The following AKT3 variants were observed in gnomAD, a reference collection of about 807,000 sequenced individuals.
The protein encoded by AKT3 is RAC-gamma serine/threonine-protein kinase.
A neutral mutation model predicts 65.3 loss-of-function variants in AKT3; 15 were observed. The ratio of observed to expected loss-of-function variants is 0.23; its 90% CI spans 0.15 to 0.35. The LOEUF (loss-of-function observed/expected upper bound fraction) is 0.35. AKT3 is among the 10% of genes least tolerant of loss of function. AKT3 has a pLI of 1.00. For synonymous variants in AKT3, 206 were observed against 183.8 expected, an observed-to-expected ratio of 1.12 and a Z score of -0.98; for missense variants, 243 against 576.5, an observed-to-expected ratio of 0.42 and a Z score of 5.92.
chr1:243,763,649 T>C (rs1689635782), intron 2 of AKT3, among the ~76,000 whole-genome samples: 1 of 152,030 alleles, frequency 6.6e-6, no homozygotes. Context: ...TAGAACAATG[T>C]CAAAAAAGTT....
intron 12 of AKT3, among the ~76,000 whole-genome samples, chr1:243,544,374 G>A (rs764927758): frequency 1.3e-5 from 2 of 152,010 alleles, no homozygotes; most frequent in Admixed American, 6.6e-5. Context: ...CTGTAATCCA[G>A]CACTTTGGGA....
At chr1:243,519,866 G>A (rs1440102064) in intron 12 of AKT3, among the ~76,000 whole-genome samples, 5 of 152,196 alleles carry the variant, frequency 3.3e-5, no homozygotes, top group Admixed American at 6.5e-5. Context: ...TTACCAGGAT[G>A]TTCAGCTCTT....
chr1:243,573,433 T>C (rs979721633), intron 8 of AKT3, among the ~76,000 whole-genome samples: 4 of 152,166 alleles, frequency 2.6e-5, no homozygotes, highest in Non-Finnish European at 5.9e-5. Flanking sequence ...AGATATATTT[T>C]CACTTAATTA....
intron 2 of AKT3, among the ~76,000 whole-genome samples, chr1:243,795,449 G>GTGT (rs1691898690): frequency 1.1e-5 from 1 of 93,506 alleles, no homozygotes; most frequent in African/African-American, 4.9e-5. Flanking sequence ...TGATCTCCTT[G>GTGT]TTTTTTTTTT....
rs1467900495 is a variant in AKT3 at position 243,836,144 on chromosome 1, GAGAGAA to G, written c.46+6975_46+6980del. Among the ~76,000 whole-genome samples, 7 of 151,906 alleles carry G rather than the reference GAGAGAA, an allele frequency of 4.6e-5. No homozygotes were observed. In the South Asian group the frequency reaches 1.5e-3, roughly 32 times the overall value. ...CACGACCCAAACATATGCTGTCAAC[GAGAGAA>G]ACAGTTTAAATACAAAACAAAGACT... On this transcript the variant is annotated intron_variant, in intron 2 of 13. Coordinates refer to ENST00000673466, the MANE Select transcript of AKT3 (RefSeq NM_005465.7).
intron 2 of AKT3, among the ~76,000 whole-genome samples, chr1:243,765,375 GA>G (rs1048529190): frequency 6.6e-6 from 1 of 151,960 alleles, no homozygotes; most frequent in African/African-American, 2.4e-5. Context: ...GTTTGATTTT[GA>G]ACCGCAAACC....
At chr1:243,681,600 A>G (rs1456323781) in intron 3 of AKT3, among the ~76,000 whole-genome samples, 1 of 152,216 alleles carries the variant, frequency 6.6e-6, no homozygotes, top group Non-Finnish European at 1.5e-5. Flanking sequence ...CAACAATGAG[A>G]GTCCACTATT....
At chr1:243,593,484 C>A (rs768800005) in intron 8 of AKT3, among the ~76,000 whole-genome samples, 1 of 152,078 alleles carries the variant, frequency 6.6e-6, no homozygotes, top group Non-Finnish European at 1.5e-5. Flanking sequence ...GGTAAGAGTT[C>A]GAGAGCAATC....
Position 243,588,529 on chromosome 1 carries a change from C to T in AKT3, c.697-15481G>A, listed in dbSNP as rs535772970. ...GAAGAAAACAAAATCCAGTAACTCA[C>T]GTAAAACTCAAATTATCTAATCAAT... is the stretch of plus-strand genomic sequence containing the variant. On this transcript the variant is annotated intron_variant, in intron 8 of 13. Transcript: ENST00000673466. Among the ~76,000 whole-genome samples the T allele has an allele frequency of 3.5e-4, 53 of 152,206 alleles. 1 individual carries two copies. Among genetic ancestry groups the T allele is most frequent in the African/African-American group, 1.2e-3 (49 of 41,548 alleles).
chr1:243,804,423 C>A (rs1337266646), intron 2 of AKT3, among the ~76,000 whole-genome samples: 1 of 152,158 alleles, frequency 6.6e-6, no homozygotes, highest in East Asian at 1.9e-4. Flanking sequence ...TTACCACATA[C>A]AACATGATAT....
chr1:243,562,349 G>A (rs932108071), intron 10 of AKT3, among the ~76,000 whole-genome samples: 4 of 152,092 alleles, frequency 2.6e-5, no homozygotes, highest in Admixed American at 1.3e-4. Context: ...ACGGGTATGG[G>A]GTTTCTTGCT....
At chr1:243,833,337 C>T (rs111967135) in intron 2 of AKT3, among the ~76,000 whole-genome samples, 4,355 of 152,144 alleles carry the variant, frequency 0.029, 119 homozygotes, top group African/African-American at 0.064. Flanking sequence ...TTCAGCATGG[C>T]TAGGGAGGCT....
At chr1:243,740,783 G>T (rs946581296) in intron 2 of AKT3, 2 of 152,162 alleles carry the variant, frequency 1.3e-5, no homozygotes, top group Non-Finnish European at 1.5e-5. Context: ...CTCAAACTCA[G>T]ACCTCCACTT....
At chr1:243,829,856 G>A (rs955212709) in intron 2 of AKT3, among the ~76,000 whole-genome samples, 1 of 152,158 alleles carries the variant, frequency 6.6e-6, no homozygotes, top group Admixed American at 6.6e-5. Flanking sequence ...CTGAGAAAAA[G>A]TGGCTACAGC....
intron 2 of AKT3, among the ~76,000 whole-genome samples, chr1:243,824,408 CTG>C (rs1361940959): frequency 2.0e-5 from 3 of 152,000 alleles, no homozygotes; most frequent in Non-Finnish European, 4.4e-5. Context: ...AAATTGACGA[CTG>C]GGATCTAATT....
intron 12 of AKT3, among the ~76,000 whole-genome samples, chr1:243,534,359 A>G (rs1369004995): frequency 1.3e-5 from 2 of 152,222 alleles, no homozygotes; most frequent in Admixed American, 1.3e-4. Flanking sequence ...TGTGTCTAGC[A>G]ACAGAATCAA....
At chr1:243,679,249 T>C (rs1419606733) in intron 3 of AKT3, among the ~76,000 whole-genome samples, 1 of 152,142 alleles carries the variant, frequency 6.6e-6, no homozygotes, top group Non-Finnish European at 1.5e-5. Context: ...GTAGCTAAGT[T>C]TGGGGGAGTC....
At chr1:243,750,554 T>C (rs1245892620) in intron 2 of AKT3, among the ~76,000 whole-genome samples, 3 of 152,084 alleles carry the variant, frequency 2.0e-5, no homozygotes, top group African/African-American at 7.2e-5. Flanking sequence ...CGGTAAGTTA[T>C]TAGTAAATGC....
chr1:243,688,230 G>C (rs1684468368), intron 3 of AKT3, among the ~76,000 whole-genome samples: 1 of 151,902 alleles, frequency 6.6e-6, no homozygotes, highest in Non-Finnish European at 1.5e-5. Context: ...AACAAACACA[G>C]GGTTAGGAAT....
Sources: allele counts gnomAD v4.1 joint callset (sites outside exome capture counted in the v4.1 genomes callset), GRCh38; gene constraint gnomAD v4.1.1; transcripts MANE v1.5; gene names NCBI Gene and HGNC (gene_info 2026-07-23, HGNC 2026-07-21).